Variants in DHX33 observed in about 807,000 individuals in gnomAD.
The protein encoded by DHX33 is DEAH-box helicase 33.
DHX33 carries 42 observed loss-of-function variants against 72.5 expected under a neutral mutation model. The ratio of observed to expected loss-of-function variants is 0.58; its 90% confidence interval spans 0.45 to 0.75. DHX33 has a LOEUF of 0.75. DHX33 is among the 30% of genes least tolerant of loss of function. The pLI, the probability that DHX33 is intolerant of heterozygous loss-of-function variation, is 0.00. For synonymous variants in DHX33, 358 were observed against 366.1 expected (o/e 0.98, Z 0.25); for missense variants, 842 against 917.5 (o/e 0.92, Z 1.06).
Position 5,444,416 on chromosome 17 carries a change from T to C in DHX33, c.1913A>G (p.Asp638Gly). Residue 638 changes from aspartate (D) to glycine (G), a missense_variant, in exon 12 of 12, where the codon GAT becomes GGT. Transcript: ENST00000225296. This position sits in a 1 kb window ranked among gnomAD's most constrained non-coding sequence, Gnocchi z 4.9. ...GGTGTCCGTGGTGGCATAGGTGCCA[T>C]CTGGCTGAAGCTCGGCGGTGCTCAT... ...LFMSTAELQP[D>G]GTYATTDTHQ... 1.2e-6 allele frequency: 2 copies of C among 1,614,202 alleles called. No homozygotes were observed. The highest frequency in any genetic ancestry group is 2.2e-5 in the South Asian group (2 of 91,088).
intron 6 of DHX33, among the ~76,000 whole-genome samples, chr17:5,454,302 C>T (rs1166447308): frequency 6.6e-6 from 1 of 152,142 alleles, no homozygotes; most frequent in Non-Finnish European, 1.5e-5. Context: ...TTGCTTGGGA[C>T]AGAGGGTTTC....
intron 8 of DHX33, among the ~76,000 whole-genome samples, chr17:5,453,240 A>G (rs1347959969): frequency 6.6e-6 from 1 of 152,118 alleles, no homozygotes; most frequent in African/African-American, 2.4e-5. Context: ...CTATCGTTTC[A>G]TAGCTAGGAA....
chr17:5,455,845 T>G, intron 5 of DHX33, 152 bp downstream of exon 5: 1 of 803,578 alleles, frequency 1.2e-6, no homozygotes, highest in Non-Finnish European at 1.9e-6. Context: ...TCACCGCGCA[T>G]TTTATTCCTG....
rs373792601 is a variant in DHX33, at chr17:5,453,933, C to A, written c.1195G>T (p.Ala399Ser). ...CCAGCCCTCCCTGTGCGCTGCCAAG[C>A]CTGCGTCTTCGATACCCGCTGCACT... ...LAVQRVSKTQ[A>S]WQRTGRAGRE... The change falls in exon 7 of 12, where the codon GCT becomes TCT. Residue 399 changes from alanine (A) to serine (S), a missense_variant. Coordinates refer to ENST00000225296, the MANE Select transcript of DHX33 (RefSeq NM_020162.4). The A allele has an allele frequency of 6.2e-7, 1 of 1,614,142 alleles. No homozygotes were observed. The highest frequency in any genetic ancestry group is 1.7e-5 in the Admixed American group (1 of 60,022).
intron 6 of DHX33, among the ~76,000 whole-genome samples, chr17:5,454,697 A>G (rs1412573259): frequency 6.6e-6 from 1 of 152,224 alleles, no homozygotes; most frequent in Non-Finnish European, 1.5e-5. Context: ...GACATGAGTC[A>G]AGATGACCTT....
Position 5,443,907 on chromosome 17 carries a change from T to G in DHX33, c.*298A>C. 6.0e-6 allele frequency: 2 copies of G among 331,644 alleles called. No individual in the cohort carries two copies. The highest frequency in any genetic ancestry group is 6.0e-5 in the East Asian group (1 of 16,612). The allele number at this position is 331,644 out of a possible 1,614,324, so 20.5% of individuals were successfully genotyped here. ...CTTTATGAACCCAATTTTATAAGGATTATTATTATTACTCCCATTTGGCAG... is the reference window on the plus strand; with the variant it reads ...CTTTATGAACCCAATTTTATAAGGAGTATTATTATTACTCCCATTTGGCAG... On this transcript the variant is annotated 3_prime_UTR_variant, in exon 12 of 12. Transcript: ENST00000225296.
At position 5,456,047 on chromosome 17, in the gene DHX33, C is replaced by A. The variant is rs771065190; in HGVS notation, c.985G>T (p.Ala329Ser). ...CPAMLVLPLYASLPYAQQLRV... is the reference protein window; with the variant it reads ...CPAMLVLPLYSSLPYAQQLRV... ...AGCTGCTGTGCATAGGGCAGGGAGG[C>A]GTACAGAGGAAGGACCAGCATCGCA... The change falls in exon 5 of 12, where the codon GCC (alanine) becomes TCC (serine). Residue 329 changes from alanine to serine, a missense_variant. Ala to Ser is a moderately conservative substitution (Grantham distance 99). Transcript: ENST00000225296. 1.9e-5 allele frequency: 30 copies of A among 1,613,158 alleles called. No individual in the cohort carries two copies. In the South Asian group the frequency reaches 3.3e-4, roughly 18 times the overall value.
intron 11 of DHX33, among the ~76,000 whole-genome samples, chr17:5,445,495 T>C (rs1916623840): frequency 6.6e-6 from 1 of 152,270 alleles, no homozygotes; most frequent in Non-Finnish European, 1.5e-5. Context: ...GTAGAAATGC[T>C]GCCTGTCTCA....
In DHX33 at chr17:5,456,161, T is replaced by C. The variant is rs1431495268; in HGVS notation, c.871A>G (p.Ile291Val). Residue 291 changes from isoleucine to valine, a missense_variant, in exon 5 of 12, where the codon ATC becomes GTC. Physicochemically the swap from Ile to Val is conservative, Grantham distance 29. Transcript: ENST00000225296. Reference protein sequence around the residue: ...IHQEAPSSQDILVFLTGQEEI... With the variant: ...IHQEAPSSQDVLVFLTGQEEI... The stretch of plus-strand genomic sequence containing the variant: ...TCCTGCCCAGTGAGGAACACCAGGA[T>C]GTCCTGTGAAGAAGGGGCTTCCTGT... The C allele has an allele frequency of 5.0e-6, 8 of 1,613,964 alleles. No individual in the cohort carries two copies. Among genetic ancestry groups the C allele is most frequent in the Non-Finnish European group, 6.8e-6 (8 of 1,179,952 alleles).
At chr17:5,456,296 T>C (rs1374179273) in intron 4 of DHX33, 114 bp from the exon 5 acceptor site, 8 of 1,167,970 alleles carry the variant, frequency 6.8e-6, no homozygotes, top group Non-Finnish European at 8.5e-6. Flanking sequence ...ACTATAGAAA[T>C]GTAAATGAGC....
chr17:5,450,971 CA>C, intron 8 of DHX33, 37 bp from the exon 9 acceptor site: 7 of 1,594,948 alleles, frequency 4.4e-6, no homozygotes, highest in South Asian at 1.1e-5. Context: ...GCCAAAAGTC[CA>C]AAAAAATGAA....
At chr17:5,451,796 G>A (rs905653226) in intron 8 of DHX33, among the ~76,000 whole-genome samples, 17 of 152,000 alleles carry the variant, frequency 1.1e-4, no homozygotes, top group African/African-American at 3.9e-4. Context: ...GTTTCTCATT[G>A]CTTTTTTAAA....
chr17:5,449,460 A>T (rs1841663947), intron 10 of DHX33, among the ~76,000 whole-genome samples: 1 of 152,114 alleles, frequency 6.6e-6, no homozygotes, highest in African/African-American at 2.4e-5. Context: ...GGAGATAGAT[A>T]GAGTCTCGCT....
At chr17:5,451,480 A>G (rs553434559) in intron 8 of DHX33, among the ~76,000 whole-genome samples, 1 of 152,302 alleles carries the variant, frequency 6.6e-6, no homozygotes, top group East Asian at 1.9e-4. Flanking sequence ...AAAGTGTAAC[A>G]TCTGACCCAG....
chr17:5,450,795 G>A lies in DHX33; in HGVS notation c.1524+12C>T, dbSNP rs775711580. ...TGTACAGAAAGAGGACTGAGGAGAGGGTATCATTTACTTTGGCAAATTTGG... is the reference window on the plus strand; with the variant it reads ...TGTACAGAAAGAGGACTGAGGAGAGAGTATCATTTACTTTGGCAAATTTGG... On this transcript the variant is annotated intron_variant, in intron 9 of 11. Transcript: ENST00000225296. 1.6e-5 allele frequency: 26 copies of A among 1,613,938 alleles called. No individual in the cohort carries two copies. Among genetic ancestry groups the A allele is most frequent in the Admixed American group, 1.5e-4 (9 of 59,972 alleles).
chr17:5,452,192 G>GA (rs907929621), intron 8 of DHX33, among the ~76,000 whole-genome samples: 4 of 151,844 alleles, frequency 2.6e-5, no homozygotes, highest in Non-Finnish European at 5.9e-5. Flanking sequence ...AGCAATGAAA[G>GA]AAAAAAAATC....
At position 5,462,505 on chromosome 17, in the gene DHX33, G is replaced by A. The variant is rs1015874053; in HGVS notation, c.492C>T (p.Asp164=). ...CATCTGTCAGAAACTTGATCCTGGT[G>A]TCTTCTGAGGTGACATCATCAAAGC... The part of the protein sequence containing the change: ...TVRFDDVTSE[D]TRIKFLTDGM... The change falls in exon 3 of 12, where the codon GAC becomes GAT. Residue 164 remains aspartate (D), a synonymous_variant. Coordinates refer to ENST00000225296, the MANE Select transcript of DHX33 (RefSeq NM_020162.4). 4 of 1,614,032 alleles carry A rather than the reference G, an allele frequency of 2.5e-6. No individual in the cohort carries two copies. The African/African-American group carries it at 5.3e-5, about 22-fold the overall frequency.
intron 4 of DHX33, among the ~76,000 whole-genome samples, chr17:5,457,846 A>T (rs953779373): frequency 6.6e-6 from 1 of 152,198 alleles, no homozygotes; most frequent in Non-Finnish European, 1.5e-5. Context: ...ACCAGCAGCC[A>T]TCATTCATGA....
chr17:5,454,541 A>G (rs1917105695), intron 6 of DHX33, among the ~76,000 whole-genome samples: 1 of 152,166 alleles, frequency 6.6e-6, no homozygotes, highest in South Asian at 2.1e-4. Context: ...TGGAGACCCA[A>G]GCTCTTTCAC....
Sources: gnomAD v4.1 joint callset for allele counts (sites outside exome capture counted in the v4.1 genomes callset) on GRCh38, gnomAD v4.1.1 for gene constraint, Gnocchi (gnomAD v3.1) non-coding constraint, MANE v1.5 for transcripts, NCBI Gene and HGNC (gene_info 2026-07-23, HGNC 2026-07-21) for gene names.